Variants in DNAH5 observed in about 807,000 individuals in gnomAD.
The protein encoded by DNAH5 is axonemal beta dynein heavy chain 5.
Under a neutral mutation model 518.2 loss-of-function variants are expected in DNAH5, and 372 were observed. That is an observed-to-expected ratio of 0.72 (90% CI 0.66 to 0.78). The LOEUF is 0.78. Among genes scored for constraint, DNAH5 ranks in the 30% least tolerant of loss-of-function variants. DNAH5 has a pLI of 0.00. For missense variants in DNAH5, 5,523 were observed against 5,687.0 expected, an observed-to-expected ratio of 0.97 and a Z score of 0.93; for synonymous variants, 2,039 against 2,025.9, an observed-to-expected ratio of 1.01 and a Z score of -0.17.
At chr5:13,964,201 G>A (rs1781383998) in intron 1 of DNAH5, among the ~76,000 whole-genome samples, 6 of 151,936 alleles carry the variant, frequency 3.9e-5, no homozygotes, top group Admixed American at 3.9e-4. Context: ...TGACAATCAT[G>A]GCACCCCAGA....
At chr5:13,712,500 T>G (rs1294372127) in intron 75 of DNAH5, among the ~76,000 whole-genome samples, 1 of 152,112 alleles carries the variant, frequency 6.6e-6, no homozygotes, top group Non-Finnish European at 1.5e-5. Context: ...AGCCTTTGCA[T>G]GGCAAAAGGA....
chr5:13,695,940 A>G (rs1422172136), intron 78 of DNAH5, among the ~76,000 whole-genome samples: 1 of 152,092 alleles, frequency 6.6e-6, no homozygotes, highest in Non-Finnish European at 1.5e-5. Context: ...TCCCAGACTC[A>G]TGTTTCCCAT....
chr5:13,750,389 C>T (rs1750045176), intron 65 of DNAH5, among the ~76,000 whole-genome samples: 1 of 152,174 alleles, frequency 6.6e-6, no homozygotes, highest in African/African-American at 2.4e-5. Context: ...AGAAAATGCT[C>T]ACTCGAAAGA....
At position 13,797,226 on chromosome 5, in the gene DNAH5, C is replaced by A. The variant is rs143254186; in HGVS notation, c.7888-3168G>T. 2.4e-4 allele frequency among the ~76,000 whole-genome samples: 37 copies of A among 152,302 alleles called. No homozygotes were observed. In the East Asian group the frequency reaches 6.8e-3, roughly 28 times the overall value. ...GGGATCTAATTAAACTAACAAGCTTCTGCACAGCAAAAGAAACTACTATCA... is the reference window on the plus strand; with the variant it reads ...GGGATCTAATTAAACTAACAAGCTTATGCACAGCAAAAGAAACTACTATCA... On this transcript the variant is annotated intron_variant, in intron 47 of 78. Transcript: ENST00000265104.
In DNAH5 at chr5:13,836,316, G is replaced by A. The variant is rs140635239; in HGVS notation, c.5882+3040C>T. ...TTTGGGAGAGAAGCCCTGGTTTGAG[G>A]CAGAGTTTGGGGTTTTTGAAGCCAT... is the stretch of plus-strand genomic sequence containing the variant. On this transcript the variant is annotated intron_variant, in intron 35 of 78. Coordinates refer to ENST00000265104, the MANE Select transcript of DNAH5 (RefSeq NM_001369.3). Among the ~76,000 whole-genome samples the A allele has an allele frequency of 5.6e-3, 853 of 152,300 alleles. 14 individuals carry two copies. Among genetic ancestry groups the A allele is most frequent in the South Asian group, 0.033 (157 of 4,822 alleles).
chr5:13,751,839 T>C (rs1422730309), intron 64 of DNAH5, among the ~76,000 whole-genome samples: 1 of 152,074 alleles, frequency 6.6e-6, no homozygotes, highest in African/African-American at 2.4e-5. Flanking sequence ...CCAGGTTTTA[T>C]CAGCTTGCCC....
intron 1 of DNAH5, among the ~76,000 whole-genome samples, chr5:13,941,265 G>A (rs1051196765): frequency 6.6e-6 from 1 of 152,208 alleles, no homozygotes; most frequent in African/African-American, 2.4e-5. Context: ...GGCTGAGGTG[G>A]AAGGATTGGT....
At chr5:13,871,133 G>GA (rs1300782757) in intron 23 of DNAH5, 131 bp from the exon 24 acceptor site, 7 of 669,916 alleles carry the variant, frequency 1.0e-5, no homozygotes, top group Middle Eastern at 2.5e-4. Context: ...AATTGAACTG[G>GA]AAAAAATCAT....
chr5:13,768,631 G>A (rs1320856520), intron 58 of DNAH5, among the ~76,000 whole-genome samples: 3 of 152,144 alleles, frequency 2.0e-5, no homozygotes, highest in African/African-American at 7.2e-5. Flanking sequence ...GAATGAATGA[G>A]AGAATGTTGC....
rs571754750 is a variant in DNAH5 at position 13,938,849 on chromosome 5, C to T, written c.57+5533G>A. Among the ~76,000 whole-genome samples the T allele has an allele frequency of 7.3e-4, 111 of 152,284 alleles. 2 individuals carry two copies. The highest frequency in any genetic ancestry group is 2.4e-3 in the African/African-American group (100 of 41,548). ...GGACATGGATTTGATCATCTCAGGCCAGCTAACTTCACTTTATTTCATCTT... is the reference window on the plus strand; with the variant it reads ...GGACATGGATTTGATCATCTCAGGCTAGCTAACTTCACTTTATTTCATCTT... On this transcript the variant is annotated intron_variant, in intron 1 of 78. Coordinates refer to ENST00000265104, the MANE Select transcript of DNAH5 (RefSeq NM_001369.3).
rs573185324 is a variant in DNAH5, at chr5:13,706,885, T to C, written c.13338+1238A>G. 4.6e-5 allele frequency among the ~76,000 whole-genome samples: 7 copies of C among 152,328 alleles called. No individual in the cohort carries two copies. In the South Asian group the frequency reaches 1.4e-3, roughly 32 times the overall value. On this transcript the variant is annotated intron_variant, in intron 76 of 78. Transcript: ENST00000265104. ...ATACCAGAGCAGGGCAGGGAAGTGC[T>C]GGGTAGAGAAGGGCAGGGTCCCTGG...
At chr5:13,781,076 A>C (rs1262254181) in intron 52 of DNAH5, 117 bp from the exon 53 acceptor site, 52 of 1,184,184 alleles carry the variant, frequency 4.4e-5, no homozygotes, top group Non-Finnish European at 6.1e-5. Context: ...AGGTGTCTCA[A>C]GATCAGACTG....
chr5:13,839,270 T>TA, intron 35 of DNAH5, 86 bp downstream of exon 35: 1 of 1,264,396 alleles, frequency 7.9e-7, no homozygotes, highest in Non-Finnish European at 1.1e-6. Flanking sequence ...AAAGAGCCTA[T>TA]AAACCCTAAG....
rs866616949 is a variant in DNAH5, at chr5:13,867,994, T to C, written c.3835-2A>G. 1.2e-6 allele frequency: 2 copies of C among 1,601,180 alleles called. No individual in the cohort carries two copies. The highest frequency in any genetic ancestry group is 1.7e-6 in the Non-Finnish European group (2 of 1,170,516). On this transcript the variant is annotated splice_acceptor_variant, in intron 24 of 78. Coordinates refer to ENST00000265104, the MANE Select transcript of DNAH5 (RefSeq NM_001369.3). LOFTEE classifies it high-confidence loss of function. The stretch of plus-strand genomic sequence containing the variant: ...TCTGTTAAGCAGGGCATAAGATTCC[T>C]AAAAAAAAATAGGAAAAACTTAATT...
intron 46 of DNAH5, among the ~76,000 whole-genome samples, chr5:13,808,143 T>C (rs796626750): frequency 1.0e-4 from 15 of 150,686 alleles, no homozygotes; most frequent in African/African-American, 3.2e-4. Flanking sequence ...GGCAGGAGAA[T>C]TGCTTGAACC....
intron 1 of DNAH5, among the ~76,000 whole-genome samples, chr5:14,001,584 C>T (rs1382332615): frequency 3.3e-5 from 5 of 151,744 alleles, no homozygotes; most frequent in African/African-American, 1.2e-4. Context: ...AGAATGGTCT[C>T]AATCTCCTGA....
chr5:13,874,300 A>C (rs1770555544), intron 22 of DNAH5, among the ~76,000 whole-genome samples: 1 of 152,138 alleles, frequency 6.6e-6, no homozygotes, highest in African/African-American at 2.4e-5. Context: ...CTCTCTCACC[A>C]CCCAAGCTTA....
At chr5:13,986,313 T>A (rs1201805895) in intron 1 of DNAH5, among the ~76,000 whole-genome samples, 1 of 152,106 alleles carries the variant, frequency 6.6e-6, no homozygotes, top group East Asian at 1.9e-4. Context: ...ATCCTCCACT[T>A]CCCTGGTAAC....
chr5:13,817,643 G>C lies in DNAH5; in HGVS notation c.6893C>G (p.Ala2298Gly), dbSNP rs769179047. 2 of 1,614,150 alleles carry C rather than the reference G, an allele frequency of 1.2e-6. No homozygotes were observed. The highest frequency in any genetic ancestry group is 1.7e-6 in the Non-Finnish European group (2 of 1,180,012). The change falls in exon 42 of 79, where the codon GCC becomes GGC. Residue 2298 changes from alanine (A) to glycine (G), a missense_variant. By Grantham distance (60) the Ala-to-Gly change is moderately conservative. Transcript: ENST00000265104. ...EMRMNPKAIT[A>G]PQMFGRLDVA... ...GTCCAGCCGACCAAACATCTGTGGG[G>C]CAGTAATCGCTTTGGGATTCATCCT...
Sources: gnomAD v4.1 joint callset for allele counts (sites outside exome capture counted in the v4.1 genomes callset) on GRCh38, gnomAD v4.1.1 for gene constraint, MANE v1.5 for transcripts, NCBI Gene and HGNC (gene_info 2026-07-23, HGNC 2026-07-21) for gene names.